Variants in CAMTA1 observed in about 807,000 individuals in gnomAD.
CAMTA1 encodes the protein calmodulin binding transcription activator 1.
In CAMTA1, 27 loss-of-function variants were observed where a neutral mutation model predicts 170.9. That is an observed-to-expected ratio of 0.16 (90% CI 0.12 to 0.22). The LOEUF is 0.22. Ranked by LOEUF, CAMTA1 falls within the 10% of genes least tolerant of loss-of-function variation. The pLI is 1.00. For synonymous variants in CAMTA1, 833 were observed against 891.5 expected (o/e 0.93, Z 1.17); for missense variants, 1,619 against 2,217.2 (o/e 0.73, Z 5.42).
At chr1:6,906,752 C>T (rs549016632) in intron 3 of CAMTA1, among the ~76,000 whole-genome samples, 34 of 152,286 alleles carry the variant, frequency 2.2e-4, no homozygotes, top group African/African-American at 8.2e-4. Flanking sequence ...CCCTCATTTT[C>T]GAGTGCAGCA....
At chr1:7,332,540 T>C (rs887100575) in intron 5 of CAMTA1, among the ~76,000 whole-genome samples, 1 of 152,242 alleles carries the variant, frequency 6.6e-6, no homozygotes, top group East Asian at 1.9e-4. Context: ...TTCACGGGAC[T>C]GTATTGTCTT....
At chr1:7,603,150 G>A (rs1368561472) in intron 6 of CAMTA1, among the ~76,000 whole-genome samples, 1 of 152,208 alleles carries the variant, frequency 6.6e-6, no homozygotes, top group East Asian at 1.9e-4. Flanking sequence ...TGAAAAGAAT[G>A]TATATTCTGT....
chr1:7,125,794 C>T (rs557882708), intron 4 of CAMTA1, among the ~76,000 whole-genome samples: 3 of 152,186 alleles, frequency 2.0e-5, no homozygotes, highest in East Asian at 1.9e-4. Flanking sequence ...GGAATTTGGG[C>T]TTTGACCTGA....
chr1:6,962,798 C>CCGCACCCATCTGGCTCCT (rs1690715093), intron 3 of CAMTA1, among the ~76,000 whole-genome samples: 1 of 149,244 alleles, frequency 6.7e-6, no homozygotes, highest in Non-Finnish European at 1.5e-5. Context: ...CTTTTTGGGC[C>CCGCACCCATCTGGCTCCT]CGCACCCATC....
intron 11 of CAMTA1, among the ~76,000 whole-genome samples, chr1:7,705,600 T>A (rs1427105395): frequency 6.6e-6 from 1 of 151,768 alleles, no homozygotes; most frequent in East Asian, 1.9e-4. Context: ...CGGCTTCTCC[T>A]CAACACGGGT....
chr1:7,371,683 G>A (rs1405109951), intron 5 of CAMTA1, among the ~76,000 whole-genome samples: 2 of 152,238 alleles, frequency 1.3e-5, no homozygotes, highest in Non-Finnish European at 2.9e-5. Context: ...CCCGGCCTCT[G>A]TGGGTGGTGC....
intron 4 of CAMTA1, among the ~76,000 whole-genome samples, chr1:7,152,305 C>A (rs147766072): frequency 3.9e-5 from 6 of 152,160 alleles, no homozygotes; most frequent in Non-Finnish European, 7.3e-5. Context: ...GTACCTTCCA[C>A]GTTTCTGTTC....
intron 1 of CAMTA1, among the ~76,000 whole-genome samples, chr1:6,791,361 G>A (rs1470682320): frequency 6.6e-6 from 1 of 152,096 alleles, no homozygotes; most frequent in Non-Finnish European, 1.5e-5. Flanking sequence ...ATAGGTAGAT[G>A]GAATGAGATT....
intron 6 of CAMTA1, among the ~76,000 whole-genome samples, chr1:7,560,990 G>A (rs1450659440): frequency 1.3e-5 from 2 of 152,164 alleles, no homozygotes; most frequent in African/African-American, 2.4e-5. Flanking sequence ...GGGGTGACTC[G>A]TATGACTGTG....
At chr1:6,909,487 G>A (rs1452915174) in intron 3 of CAMTA1, among the ~76,000 whole-genome samples, 1 of 152,236 alleles carries the variant, frequency 6.6e-6, no homozygotes, top group African/African-American at 2.4e-5. Context: ...CTCAGGTTGG[G>A]GCGGGGGGCC....
At chr1:7,047,110 G>A (rs1705506376) in intron 3 of CAMTA1, among the ~76,000 whole-genome samples, 1 of 152,176 alleles carries the variant, frequency 6.6e-6, no homozygotes, top group African/African-American at 2.4e-5. Context: ...TGCTTGTGCT[G>A]AGGTGGAGGC....
chr1:7,093,934 G>A lies in CAMTA1; in HGVS notation c.302+2563G>A, dbSNP rs1034371674. Among the ~76,000 whole-genome samples, 2 of 152,182 alleles carry A rather than the reference G, an allele frequency of 1.3e-5. No homozygotes were observed. Among genetic ancestry groups the A allele is most frequent in the Non-Finnish European group, 2.9e-5 (2 of 68,044 alleles). The stretch of plus-strand genomic sequence containing the variant: ...TCCCACCCTTGCTGGGTCACGATGA[G>A]GATTGAATGTGGTCACGTTTCTGAT... On this transcript the variant is annotated intron_variant, in intron 4 of 22. Transcript: ENST00000303635. This position sits in a 1 kb window ranked among gnomAD's most constrained non-coding sequence, Gnocchi z 4.6.
chr1:6,972,329 A>G (rs1212444210), intron 3 of CAMTA1, among the ~76,000 whole-genome samples: 1 of 152,236 alleles, frequency 6.6e-6, no homozygotes, highest in Non-Finnish European at 1.5e-5. Flanking sequence ...TAATAAAGGC[A>G]GAAAAACCTC....
At chr1:7,385,433 G>A (rs772832486) in intron 5 of CAMTA1, among the ~76,000 whole-genome samples, 12 of 152,110 alleles carry the variant, frequency 7.9e-5, no homozygotes, top group Admixed American at 2.0e-4. Flanking sequence ...TGTTGATTTC[G>A]GCCTTGCTGT....
rs1323026545 is a variant in CAMTA1, at chr1:7,443,296, G to A, written c.439-24534G>A. On this transcript the variant is annotated intron_variant, in intron 5 of 22. Coordinates refer to ENST00000303635, the MANE Select transcript of CAMTA1 (RefSeq NM_015215.4). This position sits in a 1 kb window ranked among gnomAD's most constrained non-coding sequence, Gnocchi z 4.1. The stretch of plus-strand genomic sequence containing the variant: ...TGAGGCAGGGACCAGGTCTGTTCTG[G>A]TCCCCATCGCATGCTCAGCCCCAGC... Among the ~76,000 whole-genome samples, 1 of 152,206 alleles carries A rather than the reference G, an allele frequency of 6.6e-6. No homozygotes were observed. Among genetic ancestry groups the A allele is most frequent in the East Asian group, 1.9e-4 (1 of 5,186 alleles).
chr1:7,489,332 C>T (rs562022794), intron 6 of CAMTA1, among the ~76,000 whole-genome samples: 8 of 152,204 alleles, frequency 5.3e-5, no homozygotes, highest in African/African-American at 7.2e-5. Context: ...AGAGATCTTT[C>T]GAGGGTCTTT....
At chr1:7,536,625 C>T (rs998135215) in intron 6 of CAMTA1, among the ~76,000 whole-genome samples, 3 of 152,148 alleles carry the variant, frequency 2.0e-5, no homozygotes, top group South Asian at 2.1e-4. Flanking sequence ...GGGGCAGGGA[C>T]GGGGCTGGGA....
At chr1:7,758,188 C>T (rs1452571063) in intron 22 of CAMTA1, among the ~76,000 whole-genome samples, 1 of 152,126 alleles carries the variant, frequency 6.6e-6, no homozygotes, top group Non-Finnish European at 1.5e-5. Flanking sequence ...GAGGTGGTTG[C>T]TTATGCGTTT....
chr1:6,901,902 C>T (rs886263752), intron 3 of CAMTA1, among the ~76,000 whole-genome samples: 8 of 151,976 alleles, frequency 5.3e-5, no homozygotes, highest in Middle Eastern at 3.4e-3. Flanking sequence ...AAAAATTAGC[C>T]GGGCATGGTG....
Sources: allele counts gnomAD v4.1 joint callset (sites outside exome capture counted in the v4.1 genomes callset), GRCh38; gene constraint gnomAD v4.1.1; non-coding constraint Gnocchi (gnomAD v3.1); transcripts MANE v1.5; gene names NCBI Gene and HGNC (gene_info 2026-07-23, HGNC 2026-07-21).